Variants in PCDHA8 observed in about 807,000 individuals in gnomAD.
PCDHA8 encodes protocadherin alpha-8.
A neutral mutation model predicts 61.8 loss-of-function variants in PCDHA8; 53 were observed. The observed-to-expected ratio is 0.86, with a 90% CI of 0.69 to 1.08. The LOEUF (loss-of-function observed/expected upper bound fraction) is 1.08, where lower values mean the gene tolerates loss of function less well. PCDHA8 is among the 50% of genes least tolerant of loss of function. PCDHA8 has a pLI of 0.00. For synonymous variants in PCDHA8, 618 were observed against 556.6 expected (o/e 1.11, Z -1.55); for missense variants, 1,293 against 1,245.0 (o/e 1.04, Z -0.58).
chr5:140,932,637 T>G (rs1554209011), intron 1 of PCDHA8, among the ~76,000 whole-genome samples: 2 of 151,870 alleles, frequency 1.3e-5, no homozygotes, highest in Non-Finnish European at 3.0e-5. Flanking sequence ...TAAAAAACTT[T>G]AGAATGATGA....
chr5:140,991,733 A>T (rs1360500460), intron 3 of PCDHA8, among the ~76,000 whole-genome samples: 1 of 152,136 alleles, frequency 6.6e-6, no homozygotes, highest in African/African-American at 2.4e-5. Flanking sequence ...TGTTCAAGGT[A>T]ATGTAGGCTC....
intron 3 of PCDHA8, among the ~76,000 whole-genome samples, chr5:140,992,981 A>T (rs532135754): frequency 5.3e-5 from 8 of 152,232 alleles, no homozygotes; most frequent in Admixed American, 1.3e-4. Flanking sequence ...TGATTAGGCC[A>T]TGGGACCCAT....
intron 1 of PCDHA8, among the ~76,000 whole-genome samples, chr5:140,914,462 G>A (rs1554196374): frequency 6.6e-6 from 1 of 152,068 alleles, no homozygotes; most frequent in East Asian, 1.9e-4. Context: ...CAGTCTATGT[G>A]TATCTTCATA....
chr5:140,870,537 G>C (rs575452776), intron 1 of PCDHA8: 1 of 1,614,172 alleles, frequency 6.2e-7, no homozygotes, highest in Non-Finnish European at 8.5e-7. Context: ...CAGTGTCGGC[G>C]CGGGACGCGG....
intron 1 of PCDHA8, among the ~76,000 whole-genome samples, chr5:140,940,102 T>C (rs1372400488): frequency 2.0e-5 from 3 of 152,228 alleles, no homozygotes; most frequent in African/African-American, 7.2e-5. Context: ...ACTTTTAGCG[T>C]TATGTATTAT....
intron 1 of PCDHA8, among the ~76,000 whole-genome samples, chr5:140,886,844 AAAAG>A (rs1232979230): frequency 6.0e-5 from 9 of 150,634 alleles, no homozygotes; most frequent in Non-Finnish European, 8.9e-5. Flanking sequence ...AAAAAAAAAA[AAAAG>A]AAAGGTCTTC....
intron 1 of PCDHA8, among the ~76,000 whole-genome samples, chr5:140,880,783 G>A (rs1296382612): frequency 6.6e-6 from 1 of 152,154 alleles, no homozygotes; most frequent in Non-Finnish European, 1.5e-5. Flanking sequence ...GAATGTTAGA[G>A]GAGTAATATA....
At chr5:140,894,717 A>G (rs1349709964) in intron 1 of PCDHA8, among the ~76,000 whole-genome samples, 1 of 151,920 alleles carries the variant, frequency 6.6e-6, no homozygotes, top group Non-Finnish European at 1.5e-5. Flanking sequence ...GTTGTTTTCA[A>G]ATATTACGTA....
chr5:140,852,335 T>C (rs2042302607), intron 1 of PCDHA8: 1 of 256,936 alleles, frequency 3.9e-6, no homozygotes. Context: ...TGGAGTACAG[T>C]GGCATGATCT....
intron 1 of PCDHA8, among the ~76,000 whole-genome samples, chr5:140,881,594 A>C (rs1464236535): frequency 6.6e-6 from 1 of 152,244 alleles, no homozygotes; most frequent in Non-Finnish European, 1.5e-5. Flanking sequence ...AGGGAAATTT[A>C]TTAATATGAT....
chr5:140,917,327 G>C (rs1219338384), intron 1 of PCDHA8, among the ~76,000 whole-genome samples: 1 of 149,420 alleles, frequency 6.7e-6, no homozygotes, highest in African/African-American at 2.5e-5. Flanking sequence ...CATGTGGCGG[G>C]GGAGGGGGGG....
intron 1 of PCDHA8, chr5:140,868,793 C>T: frequency 3.1e-6 from 1 of 326,092 alleles, no homozygotes; most frequent in Non-Finnish European, 5.5e-6. Context: ...CTGAATATTC[C>T]ATAAATAAGC....
At chr5:140,967,593 T>C (rs2096161783) in intron 1 of PCDHA8, 2 of 1,614,078 alleles carry the variant, frequency 1.2e-6, no homozygotes, top group Non-Finnish European at 1.7e-6. Context: ...GGCACATTGG[T>C]GGTGAAGCTG....
intron 1 of PCDHA8, among the ~76,000 whole-genome samples, chr5:140,973,418 T>G (rs1235123458): frequency 6.6e-6 from 1 of 152,212 alleles, no homozygotes; most frequent in East Asian, 1.9e-4. Flanking sequence ...CCACTCCAGT[T>G]TTTCATCCTC....
chr5:141,008,430 GC>G (rs1252417058), intron 3 of PCDHA8, among the ~76,000 whole-genome samples: 2 of 152,260 alleles, frequency 1.3e-5, no homozygotes, highest in African/African-American at 4.8e-5. Context: ...GGATCACTTT[GC>G]CCAGACAGAC....
At chr5:140,959,499 C>T (rs2095491321) in intron 1 of PCDHA8, among the ~76,000 whole-genome samples, 1 of 151,982 alleles carries the variant, frequency 6.6e-6, no homozygotes. Flanking sequence ...ATGGATCAAA[C>T]TAAAAAATTT....
At chr5:140,858,250 G>C in intron 1 of PCDHA8, 1 of 1,596,872 alleles carries the variant, frequency 6.3e-7, no homozygotes, top group Non-Finnish European at 8.6e-7. Flanking sequence ...GGCCGGTGAA[G>C]CCCACGCTGG....
intron 1 of PCDHA8, chr5:140,871,653 C>T: frequency 1.6e-6 from 2 of 1,244,250 alleles, no homozygotes; most frequent in Non-Finnish European, 2.2e-6. Flanking sequence ...CCAAATGATA[C>T]ACATCTTCAG....
chr5:140,971,210 C>G (rs192930872), intron 1 of PCDHA8, among the ~76,000 whole-genome samples: 383 of 152,274 alleles, frequency 2.5e-3, no homozygotes, highest in Non-Finnish European at 3.7e-3. Context: ...CACTGTTACC[C>G]TCCCTCTCCT....
Sources: allele counts gnomAD v4.1 joint callset (sites outside exome capture counted in the v4.1 genomes callset), GRCh38; gene constraint gnomAD v4.1.1; transcripts MANE v1.5; gene names NCBI Gene and HGNC (gene_info 2026-07-23, HGNC 2026-07-21).